TAB1: variants seen among roughly 807,000 people sequenced by gnomAD.
The protein encoded by TAB1 is TGF-beta-activated kinase 1 and MAP3K7-binding protein 1.
A neutral mutation model predicts 54.5 loss-of-function variants in TAB1; 30 were observed. That is an observed-to-expected ratio of 0.55 (90% CI 0.41 to 0.75). TAB1 has a LOEUF of 0.75. TAB1 is among the 30% of genes least tolerant of loss of function. The pLI, the probability that TAB1 is intolerant of heterozygous loss-of-function variation, is 0.00. For synonymous variants in TAB1, 289 were observed against 286.9 expected, an observed-to-expected ratio of 1.01 and a Z score of -0.07; for missense variants, 609 against 683.2, an observed-to-expected ratio of 0.89 and a Z score of 1.21.
rs189663085 is a variant in TAB1, at chr22:39,407,597, C to T, written c.34-7409C>T. Among the ~76,000 whole-genome samples the T allele has an allele frequency of 2.6e-5, 4 of 152,130 alleles. No homozygotes were observed. In the East Asian group the frequency reaches 7.7e-4, roughly 29 times the overall value. ...CTCCCGGGTTCCAGCGATTCTCCTTCCTCAGCTTCCCGATAGTAGATGGGA... is the reference window on the plus strand; with the variant it reads ...CTCCCGGGTTCCAGCGATTCTCCTTTCTCAGCTTCCCGATAGTAGATGGGA... On this transcript the variant is annotated intron_variant, in intron 1 of 10. Coordinates refer to ENST00000216160, the MANE Select transcript of TAB1 (RefSeq NM_006116.3).
At chr22:39,434,118 A>G (rs5750824), downstream of TAB1, among the ~76,000 whole-genome samples, 28,101 of 152,216 alleles carry the variant, frequency 0.18, 3,926 homozygotes, top group East Asian at 0.75. Context: ...TTCATGTACA[A>G]AATGAGGCGA....
chr22:39,435,663 C>T (rs965875727), downstream of TAB1, among the ~76,000 whole-genome samples: 4 of 152,218 alleles, frequency 2.6e-5, no homozygotes, highest in South Asian at 2.1e-4. Context: ...GGTGGGCCCC[C>T]TTCCCCACCA....
At chr22:39,419,720 G>A (rs1431499371) in intron 7 of TAB1, 90 bp downstream of exon 7, 13 of 876,594 alleles carry the variant, frequency 1.5e-5, no homozygotes, top group South Asian at 6.4e-5. Flanking sequence ...CTGGGAGGTC[G>A]AGGCTGCAGT....
chr22:39,422,396 A>ATTTT (rs1319304036), intron 8 of TAB1, among the ~76,000 whole-genome samples: 18 of 115,070 alleles, frequency 1.6e-4, no homozygotes, highest in Non-Finnish European at 2.4e-4. Flanking sequence ...TTTGCTTCTC[A>ATTTT]TTTCTTTTTT....
At chr22:39,401,186 G>A (rs1265465602) in intron 1 of TAB1, among the ~76,000 whole-genome samples, 1 of 152,170 alleles carries the variant, frequency 6.6e-6, no homozygotes, top group Non-Finnish European at 1.5e-5. Flanking sequence ...TTGTAGCCAG[G>A]TCCAGTGCTC....
downstream of TAB1, chr22:39,436,436 A>G: frequency 6.8e-7 from 1 of 1,473,028 alleles, no homozygotes; most frequent in African/African-American, 1.4e-5. Flanking sequence ...AGGAGCAAAG[A>G]TTTAAACTCT....
At chr22:39,420,322 G>A (rs1348280581) in intron 7 of TAB1, among the ~76,000 whole-genome samples, 7 of 152,218 alleles carry the variant, frequency 4.6e-5, no homozygotes, top group Admixed American at 4.6e-4. Context: ...GCCCACCCTG[G>A]TCATGGGGCT....
rs1601690586 is a variant in TAB1, at chr22:39,415,861, A to G, written c.324+208A>G. ...GAGCAGCAGGCCTTCAATGGCTGGC[A>G]GAGGAGGTACTGCTGGAGACGGGGG... is the stretch of plus-strand genomic sequence containing the variant. On this transcript the variant is annotated intron_variant, in intron 3 of 10. Transcript: ENST00000216160. The surrounding 1 kb of genome is among the most constrained non-coding windows in gnomAD (Gnocchi z 4.9). Among the ~76,000 whole-genome samples, 2 of 152,212 alleles carry G rather than the reference A, an allele frequency of 1.3e-5. No individual in the cohort carries two copies. Among genetic ancestry groups the G allele is most frequent in the Admixed American group, 1.3e-4 (2 of 15,278 alleles).
In TAB1 at chr22:39,430,871, A is replaced by G. The variant is rs1927560812; in HGVS notation, c.*649A>G. 1 of 989,210 alleles carries G rather than the reference A, an allele frequency of 1.0e-6. No homozygotes were observed. Among genetic ancestry groups the G allele is most frequent in the Non-Finnish European group, 1.2e-6 (1 of 832,116 alleles). 61.3% of individuals were successfully genotyped at this position (989,210 alleles called of 1,614,324 possible). ...AAAGGAGCCAGGGGGAAGTGGTCTA[A>G]GAGACCTGGAACTGCCAGAGGATGG... On this transcript the variant is annotated 3_prime_UTR_variant, in exon 11 of 11. Transcript: ENST00000216160.
chr22:39,416,799 T>C lies in TAB1; in HGVS notation c.333T>C (p.Asp111=), dbSNP rs1465995168. Residue 111 remains aspartate (D), a synonymous_variant, in exon 4 of 11, where the codon GAT becomes GAC. Coordinates refer to ENST00000216160, the MANE Select transcript of TAB1 (RefSeq NM_006116.3). ...GTCCTGTGTCCCCCTAGGCCTTCGA[T>C]GTGGTGGAGAGGAGCTTCCTGGAGT... ...DVRRVLLQAF[D]VVERSFLESI... 11 of 1,614,090 alleles carry C rather than the reference T, an allele frequency of 6.8e-6. No homozygotes were observed. The Admixed American group carries it at 1.8e-4, about 27-fold the overall frequency.
chr22:39,401,104 G>A (rs1351588193), intron 1 of TAB1, among the ~76,000 whole-genome samples: 3 of 149,702 alleles, frequency 2.0e-5, no homozygotes, highest in Admixed American at 6.7e-5. Flanking sequence ...CTTGTTTACC[G>A]CTGTGTCTCT....
chr22:39,412,566 G>A (rs1926654060), intron 1 of TAB1, among the ~76,000 whole-genome samples: 1 of 152,092 alleles, frequency 6.6e-6, no homozygotes, highest in Non-Finnish European at 1.5e-5. Flanking sequence ...TGCAGAAGTT[G>A]CTCCAGGGTG....
In TAB1 at chr22:39,417,722, G is replaced by GC; in HGVS notation, c.424dup (p.His142ProfsTer12). On this transcript the variant is annotated frameshift_variant, in exon 5 of 11. Coordinates refer to ENST00000216160, the MANE Select transcript of TAB1 (RefSeq NM_006116.3). LOFTEE classifies it high-confidence loss of function. ...GTTGATGGTTGTAGGGAGTCCCTCA[G>GC]CACCAGCTGCCTCCTCAGTATCAGA... 1 of 1,610,190 alleles carries GC rather than the reference G, an allele frequency of 6.2e-7. No homozygotes were observed. The highest frequency in any genetic ancestry group is 8.5e-7 in the Non-Finnish European group (1 of 1,178,002).
chr22:39,400,895 G>A lies in TAB1; in HGVS notation c.33+1060G>A, dbSNP rs34391875. 9.0e-3 allele frequency among the ~76,000 whole-genome samples: 1,373 copies of A among 152,024 alleles called. 26 individuals are homozygous for A. The highest frequency in any genetic ancestry group is 0.031 in the African/African-American group (1,265 of 41,434). On this transcript the variant is annotated intron_variant, in intron 1 of 10. Transcript: ENST00000216160. ...CTAAAAATACAAAAATTAGCCGAGCGTGGTGGGGGCGCCTGTAGTCCCAAC... is the reference window on the plus strand; with the variant it reads ...CTAAAAATACAAAAATTAGCCGAGCATGGTGGGGGCGCCTGTAGTCCCAAC...
At chr22:39,404,204 C>T (rs1465692316) in intron 1 of TAB1, among the ~76,000 whole-genome samples, 3 of 152,076 alleles carry the variant, frequency 2.0e-5, no homozygotes, top group Non-Finnish European at 2.9e-5. Context: ...GTGCCATTTA[C>T]GGGGTGAGGG....
rs561669091 is a variant in TAB1, at chr22:39,422,513, G to C, written c.921+542G>C. Among the ~76,000 whole-genome samples the C allele has an allele frequency of 1.5e-4, 22 of 145,432 alleles. No individual in the cohort carries two copies. In the South Asian group the frequency reaches 4.5e-3, roughly 30 times the overall value. On this transcript the variant is annotated intron_variant, in intron 8 of 10. Coordinates refer to ENST00000216160, the MANE Select transcript of TAB1 (RefSeq NM_006116.3). ...AATCTCCGCCTCCCGGGTTCAAGCA[G>C]TTCTCTGCCTCAGCCTCCCAAGTAG...
At chr22:39,411,220 G>T (rs1354275492) in intron 1 of TAB1, among the ~76,000 whole-genome samples, 2 of 152,046 alleles carry the variant, frequency 1.3e-5, no homozygotes, top group African/African-American at 4.8e-5. Flanking sequence ...AAAAAACATA[G>T]GTGCTCTTTG....
At chr22:39,426,520 G>A (rs555668436) in intron 8 of TAB1, among the ~76,000 whole-genome samples, 183 bp from the exon 9 acceptor site, 2 of 152,364 alleles carry the variant, frequency 1.3e-5, no homozygotes, top group South Asian at 2.1e-4. Context: ...TAATGAGAAA[G>A]TTCCAGAAGG....
rs990091262 is a variant in TAB1 at position 39,415,551 on chromosome 22, C to G, written c.222C>G (p.Asn74Lys). ...GGGTCTTCAACGGCTATGATGGCAA[C>G]CGAGTGACCAACTTCGTGGCCCAGC... ...LYGVFNGYDG[N>K]RVTNFVAQRL... The change falls in exon 3 of 11, where the codon AAC becomes AAG. Residue 74 changes from asparagine (N) to lysine (K), a missense_variant. By Grantham distance (94) the Asn-to-Lys change is moderately conservative (BLOSUM62 0). Transcript: ENST00000216160. The surrounding 1 kb of genome is among the most constrained non-coding windows in gnomAD (Gnocchi z 4.9). 1.9e-6 allele frequency: 3 copies of G among 1,614,240 alleles called. No homozygotes were observed. The Admixed American group carries it at 5.0e-5, about 27-fold the overall frequency.
Sources: gnomAD v4.1 joint callset for allele counts (sites outside exome capture counted in the v4.1 genomes callset) on GRCh38, gnomAD v4.1.1 for gene constraint, Gnocchi (gnomAD v3.1) non-coding constraint, MANE v1.5 for transcripts, NCBI Gene and HGNC (gene_info 2026-07-23, HGNC 2026-07-21) for gene names.